SLC13A4: variants seen among roughly 807,000 people sequenced by gnomAD.
The protein encoded by SLC13A4 is Na(+)/sulfate cotransporter SUT-1.
A neutral mutation model predicts 72.7 loss-of-function variants in SLC13A4; 28 were observed. The observed-to-expected ratio is 0.39, with a 90% CI of 0.29 to 0.53. The LOEUF is 0.53. Among genes scored for constraint, SLC13A4 ranks in the 20% least tolerant of loss-of-function variants. SLC13A4 has a pLI of 0.78. For synonymous variants in SLC13A4, 312 were observed against 325.5 expected, an observed-to-expected ratio of 0.96 and a Z score of 0.45; for missense variants, 653 against 788.0, an observed-to-expected ratio of 0.83 and a Z score of 2.05.
At chr7:135,707,982 TG>T in intron 3 of SLC13A4, 131 bp downstream of exon 3, 1 of 1,117,248 alleles carries the variant, frequency 9.0e-7, no homozygotes, top group Non-Finnish European at 1.3e-6. Context: ...CCTATGGCTC[TG>T]GTGTCAGCCC....
intron 15 of SLC13A4, 26 bp downstream of exon 15, chr7:135,684,098 G>T (rs769550614): frequency 6.3e-7 from 1 of 1,575,162 alleles, no homozygotes; most frequent in Non-Finnish European, 8.7e-7. Flanking sequence ...AGCTGGGCCT[G>T]GCAGGGAGAG....
intron 3 of SLC13A4, 177 bp downstream of exon 3, chr7:135,707,937 T>C: frequency 1.5e-6 from 1 of 664,098 alleles, no homozygotes; most frequent in Non-Finnish European, 2.5e-6. Flanking sequence ...TTTAAATCTC[T>C]ACTCCATGAT....
chr7:135,718,618 A>G (rs1038817533), intron 2 of SLC13A4, among the ~76,000 whole-genome samples: 2 of 152,208 alleles, frequency 1.3e-5, no homozygotes, highest in African/African-American at 4.8e-5. Context: ...AGGGATCAAC[A>G]CTTTCAGCCT....
At chr7:135,719,440 T>TC (rs1453361078) in intron 2 of SLC13A4, among the ~76,000 whole-genome samples, 1 of 152,170 alleles carries the variant, frequency 6.6e-6, no homozygotes, top group East Asian at 1.9e-4. Flanking sequence ...TCATTTTTTT[T>TC]CCTCTACCCT....
intron 9 of SLC13A4, among the ~76,000 whole-genome samples, chr7:135,694,852 A>C (rs1795866203): frequency 6.6e-6 from 1 of 152,262 alleles, no homozygotes; most frequent in Non-Finnish European, 1.5e-5. Context: ...ATAGCAAAAC[A>C]TTATATTATC....
chr7:135,696,041 C>T (rs1405771140), intron 8 of SLC13A4, among the ~76,000 whole-genome samples: 1 of 152,236 alleles, frequency 6.6e-6, no homozygotes, highest in Non-Finnish European at 1.5e-5. Flanking sequence ...ACTGCTCATT[C>T]ATCAGCAGGC....
At chr7:135,715,507 GTGTA>G (rs1563169323) in intron 2 of SLC13A4, among the ~76,000 whole-genome samples, 1 of 147,028 alleles carries the variant, frequency 6.8e-6, no homozygotes, top group South Asian at 2.2e-4. Context: ...GTGTAGGAGT[GTGTA>G]TGTGAGTGTG....
chr7:135,684,349 G>C (rs1795574255), intron 14 of SLC13A4, 88 bp from the exon 15 acceptor site: 4 of 1,479,444 alleles, frequency 2.7e-6, no homozygotes, highest in South Asian at 2.7e-5. Context: ...ATGATGACTT[G>C]GTGCTGGCTA....
chr7:135,697,154 G>A lies in SLC13A4; in HGVS notation c.900-1667C>T, dbSNP rs536480205. 2.9e-3 allele frequency among the ~76,000 whole-genome samples: 440 copies of A among 152,354 alleles called. 1 individual carries two copies. Among genetic ancestry groups the A allele is most frequent in the Non-Finnish European group, 4.7e-3 (322 of 68,036 alleles). On this transcript the variant is annotated intron_variant, in intron 8 of 15. Coordinates refer to ENST00000682651, the MANE Select transcript of SLC13A4 (RefSeq NM_001318192.2). ...AGCAGAGCATTAAACCAAGCGTGACGCCTGTCTGGGCATGGTGGCCCTGTG... is the reference window on the plus strand; with the variant it reads ...AGCAGAGCATTAAACCAAGCGTGACACCTGTCTGGGCATGGTGGCCCTGTG...
chr7:135,706,277 C>A lies in SLC13A4; in HGVS notation c.389G>T (p.Cys130Phe), dbSNP rs781022897. Residue 130 changes from cysteine to phenylalanine, a missense_variant, in exon 4 of 16, where the codon TGT becomes TTT. Cys to Phe is a radical substitution (Grantham distance 205, BLOSUM62 -2). Transcript: ENST00000682651. ...PGMLLLCFMC[C>F]TTLLSMWLSN... ...CAGCCACATGGACAGCAACGTGGTA[C>A]AGCACATGAAGCAGAGCAGCAGCCT... 2 of 1,611,812 alleles carry A rather than the reference C, an allele frequency of 1.2e-6. No individual in the cohort carries two copies. The highest frequency in any genetic ancestry group is 4.5e-5 in the East Asian group (2 of 44,830).
chr7:135,713,067 G>A (rs1037586091), intron 2 of SLC13A4, among the ~76,000 whole-genome samples: 15 of 152,122 alleles, frequency 9.9e-5, no homozygotes, highest in Non-Finnish European at 1.5e-4. Context: ...GCATTTTCCC[G>A]ATGTGAGGAT....
At chr7:135,714,806 C>T (rs543588961) in intron 2 of SLC13A4, among the ~76,000 whole-genome samples, 69 of 152,276 alleles carry the variant, frequency 4.5e-4, no homozygotes, top group Non-Finnish European at 6.2e-4. Context: ...CAGCCGACTC[C>T]GGCGGCACCA....
At chr7:135,715,380 A>ATT (rs1563169092) in intron 2 of SLC13A4, among the ~76,000 whole-genome samples, 2 of 148,796 alleles carry the variant, frequency 1.3e-5, no homozygotes, top group African/African-American at 5.0e-5. Flanking sequence ...TGAGTGTGTG[A>ATT]GTGTGTATGT....
Position 135,697,266 on chromosome 7 carries a change from C to T in SLC13A4, c.900-1779G>A, listed in dbSNP as rs1322063682. On this transcript the variant is annotated intron_variant, in intron 8 of 15. Coordinates refer to ENST00000682651, the MANE Select transcript of SLC13A4 (RefSeq NM_001318192.2). ...CCTTCAGCCTAAGCATTAATATTTG[C>T]CTTGACATTCACAGGTCTGTTTTCA... Among the ~76,000 whole-genome samples the T allele has an allele frequency of 2.0e-5, 3 of 152,248 alleles. No homozygotes were observed. In the East Asian group the frequency reaches 5.8e-4, roughly 29 times the overall value.
At chr7:135,715,163 G>GTA (rs1320822508) in intron 2 of SLC13A4, among the ~76,000 whole-genome samples, 1 of 151,430 alleles carries the variant, frequency 6.6e-6, no homozygotes, top group Non-Finnish European at 1.5e-5. Context: ...GTGTGTGAGA[G>GTA]TATATATGTG....
At chr7:135,695,233 C>A (rs898604374) in intron 9 of SLC13A4, 135 bp downstream of exon 9, 1 of 1,177,176 alleles carries the variant, frequency 8.5e-7, no homozygotes, top group South Asian at 1.5e-5. Flanking sequence ...TCAGACCAGA[C>A]CACTGCATTC....
Position 135,723,657 on chromosome 7 carries a change from G to A in SLC13A4, c.100-2134C>T, listed in dbSNP as rs149475075. The stretch of plus-strand genomic sequence containing the variant: ...ATGGCCCCTTGAGTTCAGAACACGC[G>A]TCCTCAAACTCTTGCATAAAAGTTA... On this transcript the variant is annotated intron_variant, in intron 1 of 15. Coordinates refer to ENST00000682651, the MANE Select transcript of SLC13A4 (RefSeq NM_001318192.2). 7.7e-3 allele frequency among the ~76,000 whole-genome samples: 1,174 copies of A among 152,276 alleles called. 7 individuals are homozygous for A. Among genetic ancestry groups the A allele is most frequent in the Middle Eastern group, 0.037 (11 of 294 alleles).
intron 13 of SLC13A4, among the ~76,000 whole-genome samples, chr7:135,687,590 T>G (rs1014533825): frequency 9.8e-5 from 15 of 152,306 alleles, no homozygotes; most frequent in Middle Eastern, 3.4e-3. Context: ...ACTGAGAGCT[T>G]ACAAACCCAA....
intron 15 of SLC13A4, chr7:135,683,407 G>A (rs1795549533): frequency 8.1e-6 from 8 of 982,188 alleles, no homozygotes; most frequent in South Asian, 9.5e-5. Flanking sequence ...AGGGCTGCCC[G>A]AGAACAAATT....
Sources: allele counts gnomAD v4.1 joint callset (sites outside exome capture counted in the v4.1 genomes callset), GRCh38; gene constraint gnomAD v4.1.1; transcripts MANE v1.5; gene names NCBI Gene and HGNC (gene_info 2026-07-23, HGNC 2026-07-21).